Variants in CACNA1C observed in about 807,000 individuals in gnomAD.
CACNA1C encodes calcium voltage-gated channel subunit alpha1 C, also known as voltage-dependent L-type calcium channel subunit alpha-1C.
Under a neutral mutation model 229.0 loss-of-function variants are expected in CACNA1C, and 30 were observed. The observed-to-expected ratio is 0.13, with a 90% CI of 0.10 to 0.18. CACNA1C has a LOEUF of 0.18. CACNA1C is among the 10% of genes least tolerant of loss of function. The pLI, the probability that CACNA1C is intolerant of heterozygous loss-of-function variation, is 1.00. For synonymous variants in CACNA1C, 1,114 were observed against 1,132.5 expected (o/e 0.98, Z 0.33); for missense variants, 1,658 against 2,845.0 (o/e 0.58, Z 9.49).
chr12:2,053,079 T>C lies in CACNA1C; in HGVS notation c.-484T>C. On this transcript the variant is annotated 5_prime_UTR_variant, in exon 1 of 47. Transcript: ENST00000399655. This position sits in a 1 kb window ranked among gnomAD's most constrained non-coding sequence, Gnocchi z 5.8. Reference sequence around the variant, plus strand: ...CCGGAGCGGCGGCGGCGGCTCTTCCTGCCTCCGCGCCCAGGAGTTGCCGGC... The same window carrying C: ...CCGGAGCGGCGGCGGCGGCTCTTCCCGCCTCCGCGCCCAGGAGTTGCCGGC... 1.0e-6 allele frequency: 1 copy of C among 984,288 alleles called. No individual in the cohort carries two copies. The highest frequency in any genetic ancestry group is 1.2e-6 in the Non-Finnish European group (1 of 829,318). 61.0% of individuals were successfully genotyped at this position (984,288 alleles called of 1,614,324 possible).
intron 3 of CACNA1C, among the ~76,000 whole-genome samples, chr12:2,397,400 A>G (rs890982941): frequency 1.3e-5 from 2 of 152,252 alleles, no homozygotes; most frequent in Admixed American, 6.5e-5. Flanking sequence ...CCCATCCCAG[A>G]CACAAAGTCA....
chr12:2,406,140 T>C (rs2098734955), intron 3 of CACNA1C, among the ~76,000 whole-genome samples: 2 of 152,316 alleles, frequency 1.3e-5, no homozygotes, highest in Non-Finnish European at 2.9e-5. Flanking sequence ...TGAATTATTT[T>C]CCCCCCTGGG....
intron 9 of CACNA1C, among the ~76,000 whole-genome samples, chr12:2,546,350 C>CCT (rs1568346432): frequency 7.3e-6 from 1 of 136,344 alleles, no homozygotes; most frequent in Admixed American, 7.2e-5. Context: ...CACACTATTC[C>CCT]GTGCAGTAGC....
At chr12:2,688,372 C>T in intron 45 of CACNA1C, 75 bp from the exon 46 acceptor site, 4 of 1,395,828 alleles carry the variant, frequency 2.9e-6, no homozygotes, top group Non-Finnish European at 4.1e-6. Context: ...CAAAGCAGTG[C>T]TTGCTCAGAA....
At chr12:2,273,828 C>T (rs182001954) in intron 3 of CACNA1C, among the ~76,000 whole-genome samples, 5 of 152,266 alleles carry the variant, frequency 3.3e-5, no homozygotes, top group East Asian at 1.9e-4. Context: ...GGGCAGAGAA[C>T]GGGAGGGGGT....
chr12:2,256,578 G>T (rs952246448), intron 3 of CACNA1C, among the ~76,000 whole-genome samples: 9 of 152,138 alleles, frequency 5.9e-5, no homozygotes, highest in Admixed American at 1.3e-4. Flanking sequence ...AAACACACCA[G>T]TTAACCAGTT....
chr12:2,691,129 G>C lies in CACNA1C; in HGVS notation c.6347G>C (p.Cys2116Ser). The change falls in exon 47 of 47, where the codon TGT becomes TCT. Residue 2116 changes from cysteine (C) to serine (S), a missense_variant. By Grantham distance (112) the Cys-to-Ser change is moderately radical. Around this residue, in one of 20 missense-constraint regions of CACNA1C, gnomAD observed 590 missense variants for 700.8 expected, o/e 0.84. Coordinates refer to ENST00000399655, the MANE Select transcript of CACNA1C (RefSeq NM_000719.7). The part of the protein sequence containing the change: ...DRAGGEEDAG[C>S]VRARGRPSEE... ...GCCGGGGGCGAAGAGGACGCGGGCT[G>C]TGTGCGCGCGCGGGGTCGACCGAGT... The C allele has an allele frequency of 1.2e-6, 2 of 1,608,398 alleles. No individual in the cohort carries two copies. The highest frequency in any genetic ancestry group is 1.1e-5 in the South Asian group (1 of 90,886).
intron 6 of CACNA1C, among the ~76,000 whole-genome samples, chr12:2,492,197 C>T (rs7306916): frequency 6.6e-6 from 1 of 152,094 alleles, no homozygotes; most frequent in African/African-American, 2.4e-5. Flanking sequence ...ATTCTTAGAT[C>T]AGTCAGGTCT....
rs531055200 is a variant in CACNA1C at position 1,973,091 on chromosome 12, T to A, written c.139+1890T>A. Among the ~76,000 whole-genome samples, 13 of 152,340 alleles carry A rather than the reference T, an allele frequency of 8.5e-5. No individual in the cohort carries two copies. The East Asian group carries it at 2.5e-3, about 29-fold the overall frequency. Reference sequence around the variant, plus strand: ...ATGCCTTTAAAGTAATGTTCTTCCATTCACCTTCTGCGTTAGCTTTACTGA... The same window carrying A: ...ATGCCTTTAAAGTAATGTTCTTCCAATCACCTTCTGCGTTAGCTTTACTGA... On this transcript the variant is annotated intron_variant, in intron 1 of 46. Coordinates refer to the CACNA1C transcript ENST00000682462.
intron 3 of CACNA1C, among the ~76,000 whole-genome samples, chr12:2,305,837 T>C (rs2094963292): frequency 6.6e-6 from 1 of 152,216 alleles, no homozygotes; most frequent in Admixed American, 6.5e-5. Flanking sequence ...AGCAAGACTT[T>C]GTCTCTTAAA....
At chr12:2,238,528 T>G (rs2239034) in intron 3 of CACNA1C, among the ~76,000 whole-genome samples, 14,466 of 152,240 alleles carry the variant, frequency 0.095, 1,184 homozygotes, top group East Asian at 0.29. Context: ...AGAAATGGGA[T>G]GAGTCTGTCA....
chr12:2,443,496 A>G (rs2099248801), intron 3 of CACNA1C, among the ~76,000 whole-genome samples: 1 of 152,156 alleles, frequency 6.6e-6, no homozygotes, highest in Non-Finnish European at 1.5e-5. Flanking sequence ...CCTCCTCTAC[A>G]CTATCCAACC....
At chr12:2,270,980 G>GTCTTGCACTCATGAGCT (rs2084719355) in intron 3 of CACNA1C, among the ~76,000 whole-genome samples, 1 of 152,146 alleles carries the variant, frequency 6.6e-6, no homozygotes, top group Non-Finnish European at 1.5e-5. Flanking sequence ...AGGGCTGGTG[G>GTCTTGCACTCATGAGCT]CCTGTTGCTT....
chr12:2,135,735 C>T lies in CACNA1C; in HGVS notation c.477+15305C>T, dbSNP rs1176836008. ...AGCTGTCAGACAGGGACATTTAAGT[C>T]TGCAGAAGTTACTGCTGTCTTTTTG... On this transcript the variant is annotated intron_variant, in intron 3 of 46. Coordinates refer to ENST00000399655, the MANE Select transcript of CACNA1C (RefSeq NM_000719.7). Among the ~76,000 whole-genome samples the T allele has an allele frequency of 2.7e-5, 4 of 146,454 alleles. 1 individual carries two copies. Among genetic ancestry groups the T allele is most frequent in the African/African-American group, 8.0e-5 (3 of 37,594 alleles).
intron 11 of CACNA1C, among the ~76,000 whole-genome samples, chr12:2,565,285 G>T (rs976216479): frequency 1.3e-5 from 2 of 151,686 alleles, no homozygotes; most frequent in African/African-American, 2.4e-5. Flanking sequence ...TGGCTAACAA[G>T]GTGAAACCCG....
chr12:2,566,313 G>A lies in CACNA1C; in HGVS notation c.1509-109G>A. On this transcript the variant is annotated intron_variant, in intron 11 of 46. Transcript: ENST00000399655. The surrounding 1 kb of genome is among the most constrained non-coding windows in gnomAD (Gnocchi z 4.0). ...CTTGCCACCAGATTGGGCTGCTCTA[G>A]CAAGGCCAGATCAGTGAGGGGCGAG... 2 of 1,067,942 alleles carry A rather than the reference G, an allele frequency of 1.9e-6. No homozygotes were observed. The highest frequency in any genetic ancestry group is 1.3e-6 in the Non-Finnish European group (1 of 748,692). The allele number at this position is 1,067,942 out of a possible 1,614,324, so 66.2% of individuals were successfully genotyped here.
chr12:2,549,940 C>G lies in CACNA1C; in HGVS notation c.1391-3C>G. 6.3e-7 allele frequency: 1 copy of G among 1,594,342 alleles called. No individual in the cohort carries two copies. The highest frequency in any genetic ancestry group is 8.6e-7 in the Non-Finnish European group (1 of 1,169,042). ...TGGCTCTGCTTCCCTTTGACTCTTG[C>G]AGTGAGCATGCCCACCAGTGAGACC... On this transcript the variant is annotated splice_polypyrimidine_tract_variant and splice_region_variant and intron_variant, in intron 9 of 46. Transcript: ENST00000399655.
chr12:2,492,145 T>G (rs1168345734), intron 6 of CACNA1C, among the ~76,000 whole-genome samples: 2 of 152,210 alleles, frequency 1.3e-5, no homozygotes, highest in Non-Finnish European at 2.9e-5. Context: ...TTACCTTCCA[T>G]AGCCAGAGCC....
intron 1 of CACNA1C, among the ~76,000 whole-genome samples, chr12:1,974,930 T>A (rs1209071753): frequency 2.0e-5 from 3 of 152,178 alleles, no homozygotes; most frequent in African/African-American, 7.2e-5. Flanking sequence ...GTCAAAAATT[T>A]GTTCCAATGA....
Sources: gnomAD v4.1 joint callset for allele counts (sites outside exome capture counted in the v4.1 genomes callset) on GRCh38, gnomAD v4.1.1 for gene constraint, gnomAD v4.1.1 regional missense constraint, Gnocchi (gnomAD v3.1) non-coding constraint, MANE v1.5 for transcripts, NCBI Gene and HGNC (gene_info 2026-07-23, HGNC 2026-07-21) for gene names.